Variants in GRIN1 observed in about 807,000 individuals in gnomAD.
The protein encoded by GRIN1 is glutamate receptor ionotropic, NMDA 1.
GRIN1 carries 38 observed loss-of-function variants against 103.0 expected under a neutral mutation model. The ratio of observed to expected loss-of-function variants is 0.37; its 90% CI spans 0.28 to 0.48. GRIN1 has a LOEUF of 0.48. Ranked by LOEUF, GRIN1 falls within the 20% of genes least tolerant of loss-of-function variation. GRIN1 has a pLI of 0.98. For missense variants in GRIN1, 577 were observed against 1,288.9 expected, an observed-to-expected ratio of 0.45 and a Z score of 8.46; for synonymous variants, 544 against 532.7, an observed-to-expected ratio of 1.02 and a Z score of -0.29.
rs199593246 is a variant in GRIN1 at position 137,145,798 on chromosome 9, C to A, written c.466C>A (p.Arg156Ser). ...HQSSVWFEMM[R>S]VYSWNHIILL... ...GTCCAGCGTGTGGTTTGAGATGATG[C>A]GTGTCTACAGCTGGAACCACATCAT... Residue 156 changes from arginine to serine, a missense_variant, in exon 3 of 20, where the codon CGT becomes AGT. Arg to Ser is a moderately radical substitution (Grantham distance 110). Transcript: ENST00000371561. 3 of 1,612,908 alleles carry A rather than the reference C, an allele frequency of 1.9e-6. No individual in the cohort carries two copies. Among genetic ancestry groups the A allele is most frequent in the Non-Finnish European group, 1.7e-6 (2 of 1,179,214 alleles).
chr9:137,161,139 C>T lies in GRIN1; in HGVS notation c.1281C>T (p.Asn427=). 4 of 1,612,708 alleles carry T rather than the reference C, an allele frequency of 2.5e-6. No homozygotes were observed. The highest frequency in any genetic ancestry group is 3.4e-6 in the Non-Finnish European group (4 of 1,179,866). Residue 427 remains asparagine, a synonymous_variant, in exon 9 of 20, where the codon AAC becomes AAT. Coordinates refer to ENST00000371561, the MANE Select transcript of GRIN1 (RefSeq NM_007327.4). ...CATGCAAGGAGGAGTTCACAGTCAA[C>T]GGCGACCCAGTCAAGAAGGTGATCT... ...DGTCKEEFTV[N]GDPVKKVICT...
intron 19 of GRIN1, among the ~76,000 whole-genome samples, chr9:137,165,615 G>A (rs1833830879): frequency 6.6e-6 from 1 of 152,148 alleles, no homozygotes; most frequent in African/African-American, 2.4e-5. Context: ...CACCTCTCGG[G>A]GCCAGGTCTG....
intron 4 of GRIN1, among the ~76,000 whole-genome samples, chr9:137,151,304 T>TGGCCAGATAAAAGCTCC (rs1832893049): frequency 8.4e-6 from 1 of 118,886 alleles, no homozygotes; most frequent in African/African-American, 3.3e-5. Context: ...GAAAAAGCTC[T>TGGCCAGATAAAAGCTCC]GGCCAGATAA....
At chr9:137,148,895 G>C in intron 3 of GRIN1, 114 bp from the exon 4 acceptor site, 1 of 771,716 alleles carries the variant, frequency 1.3e-6, no homozygotes, top group East Asian at 2.7e-5. Context: ...CGCAGACCAT[G>C]GCAGCCCTAG....
rs1833636285 is a variant in GRIN1 at position 137,162,899 on chromosome 9, G to A, written c.2067G>A (p.Val689=). 1 of 1,611,452 alleles carries A rather than the reference G, an allele frequency of 6.2e-7. No homozygotes were observed. The highest frequency in any genetic ancestry group is 1.3e-5 in the African/African-American group (1 of 74,902). Residue 689 remains valine (V), a synonymous_variant, in exon 15 of 20, where the codon GTG becomes GTA. Transcript: ENST00000371561. ...ACGCCACGGTGAAGCAGAGCTCCGT[G>A]GATATCTACTTCCGGCGCCAGGTGG... is the stretch of plus-strand genomic sequence containing the variant. ...FIYATVKQSS[V]DIYFRRQVEL...
intron 3 of GRIN1, among the ~76,000 whole-genome samples, chr9:137,147,599 G>T (rs1009196382): frequency 6.6e-6 from 1 of 152,164 alleles, no homozygotes; most frequent in Non-Finnish European, 1.5e-5. Context: ...ACCCACAGGC[G>T]CATGCCACCC....
chr9:137,141,207 G>A (rs1183018959), intron 1 of GRIN1, among the ~76,000 whole-genome samples: 1 of 152,176 alleles, frequency 6.6e-6, no homozygotes, highest in Non-Finnish European at 1.5e-5. Flanking sequence ...GCCCCCATTC[G>A]CCAAAGCTCT....
At chr9:137,156,601 C>A (rs975322088) in intron 4 of GRIN1, 68 bp from the exon 5 acceptor site, 13 of 1,565,868 alleles carry the variant, frequency 8.3e-6, no homozygotes, top group Admixed American at 7.3e-5. Context: ...AGGAGGAGGA[C>A]CTGGGCCTGC....
intron 18 of GRIN1, 139 bp from the exon 19 acceptor site, chr9:137,165,047 G>A (rs370831837): frequency 5.3e-5 from 40 of 755,742 alleles, no homozygotes; most frequent in East Asian, 2.2e-4. Context: ...CTGTCGGCCC[G>A]TCTGTCCAGC....
rs1465715274 is a variant in GRIN1, at chr9:137,157,008, C to T, written c.939C>T (p.Asn313=). 6 of 1,612,116 alleles carry T rather than the reference C, an allele frequency of 3.7e-6. No individual in the cohort carries two copies. The highest frequency in any genetic ancestry group is 4.2e-6 in the Non-Finnish European group (5 of 1,179,796). The change falls in exon 6 of 20, where the codon AAC becomes AAT. Residue 313 remains asparagine, a synonymous_variant. Coordinates refer to ENST00000371561, the MANE Select transcript of GRIN1 (RefSeq NM_007327.4). ...DPPRGCVGNT[N]IWKTGPLFKR... is the part of the protein sequence containing the mutation. ...CGCGGGGCTGCGTGGGCAACACCAA[C>T]ATCTGGAAGACCGGGCCGCTCTTCA...
At chr9:137,167,369 C>T (rs1564368355) in intron 19 of GRIN1, 42 bp from the exon 20 acceptor site, 2 of 1,481,896 alleles carry the variant, frequency 1.3e-6, no homozygotes, top group African/African-American at 1.4e-5. Context: ...CCCTGGCGGC[C>T]GGCGGGGCCA....
chr9:137,160,715 C>G (rs1329011560), intron 8 of GRIN1, among the ~76,000 whole-genome samples: 1 of 152,208 alleles, frequency 6.6e-6, no homozygotes, highest in African/African-American at 2.4e-5. Flanking sequence ...CAGGCGTGAG[C>G]CACAGCACCT....
At position 137,139,894 on chromosome 9, in the gene GRIN1, A is replaced by G. The variant is rs139330586; in HGVS notation, c.258+150A>G. 5.1e-4 allele frequency: 345 copies of G among 679,836 alleles called. 2 individuals are homozygous for G. The East Asian group carries it at 9.3e-3, about 18-fold the overall frequency. The allele number at this position is 679,836 out of a possible 1,614,324, so 42.1% of individuals were successfully genotyped here. A position where few individuals can be genotyped will look rare whatever the true frequency, so the allele number is the denominator to read the frequency against. On this transcript the variant is annotated intron_variant, in intron 1 of 19. Transcript: ENST00000371561. This position sits in a 1 kb window ranked among gnomAD's most constrained non-coding sequence, Gnocchi z 7.7. The stretch of plus-strand genomic sequence containing the variant: ...GGCTGCTTCCGGGAGGCCTCGTCTC[A>G]CTAGGAACCAAACACCAGGGTCTGC...
At position 137,146,471 on chromosome 9, in the gene GRIN1, C is replaced by T. The variant is rs969678800; in HGVS notation, c.570+569C>T. Among the ~76,000 whole-genome samples the T allele has an allele frequency of 6.0e-4, 92 of 152,280 alleles. No homozygotes were observed. Among genetic ancestry groups the T allele is most frequent in the African/African-American group, 2.2e-3 (90 of 41,554 alleles). On this transcript the variant is annotated intron_variant, in intron 3 of 19. Transcript: ENST00000371561. The surrounding 1 kb of genome is among the most constrained non-coding windows in gnomAD (Gnocchi z 6.7). ...CGCCCCTGTGGGCTCCACTCCCCTC[C>T]TTGCCCCCACCACAGGGCTCCCTCT...
In GRIN1 at chr9:137,167,715, C is replaced by T; in HGVS notation, c.*188C>T. On this transcript the variant is annotated 3_prime_UTR_variant, in exon 20 of 20. Coordinates refer to ENST00000371561, the MANE Select transcript of GRIN1 (RefSeq NM_007327.4). ...TGGCCGGTCCACCCCGTCCCGGCCC[C>T]GCGCGTGCCCCCAGCGTGGGGCTAA... 2 of 1,607,910 alleles carry T rather than the reference C, an allele frequency of 1.2e-6. No homozygotes were observed. The highest frequency in any genetic ancestry group is 1.7e-6 in the Non-Finnish European group (2 of 1,177,390).
chr9:137,151,728 C>G (rs770485539), intron 4 of GRIN1, among the ~76,000 whole-genome samples: 39 of 152,270 alleles, frequency 2.6e-4, no homozygotes, highest in Middle Eastern at 3.4e-3. Context: ...TGCAGTAGTA[C>G]AATCTCAGCT....
intron 14 of GRIN1, 39 bp from the exon 15 acceptor site, chr9:137,162,807 G>C (rs765555126): frequency 2.5e-6 from 4 of 1,608,166 alleles, no homozygotes; most frequent in Admixed American, 1.7e-5. Flanking sequence ...TAGGGGCCTG[G>C]GGAGCCGCCG....
rs1022671465 is a variant in GRIN1, at chr9:137,140,448, C to T, written c.258+704C>T. Among the ~76,000 whole-genome samples, 4 of 152,352 alleles carry T rather than the reference C, an allele frequency of 2.6e-5. No individual in the cohort carries two copies. In the South Asian group the frequency reaches 8.3e-4, roughly 32 times the overall value. On this transcript the variant is annotated intron_variant, in intron 1 of 19. Coordinates refer to ENST00000371561, the MANE Select transcript of GRIN1 (RefSeq NM_007327.4). ...GCAAGACAGACATCCAGCCTAGCAC[C>T]GCTCACACGTGCCTACCTGATGGAC... is the stretch of plus-strand genomic sequence containing the variant.
intron 3 of GRIN1, among the ~76,000 whole-genome samples, chr9:137,147,215 A>G (rs2131223926): frequency 6.6e-6 from 1 of 152,136 alleles, no homozygotes; most frequent in South Asian, 2.1e-4. Flanking sequence ...ACCTCTGGCC[A>G]CAGGCTCAGG....
Sources: gnomAD v4.1 joint callset for allele counts (sites outside exome capture counted in the v4.1 genomes callset) on GRCh38, gnomAD v4.1.1 for gene constraint, Gnocchi (gnomAD v3.1) non-coding constraint, MANE v1.5 for transcripts, NCBI Gene and HGNC (gene_info 2026-07-23, HGNC 2026-07-21) for gene names.